REV3L: variants seen among roughly 807,000 people sequenced by gnomAD.
REV3L encodes REV3 like, DNA directed polymerase zeta catalytic subunit.
Under a neutral mutation model 299.4 loss-of-function variants are expected in REV3L, and 69 were observed. The ratio of observed to expected loss-of-function variants is 0.23; its 90% CI spans 0.19 to 0.28. The LOEUF (loss-of-function observed/expected upper bound fraction) is 0.28, where lower values mean the gene tolerates loss of function less well. Among genes scored for constraint, REV3L ranks in the 10% least tolerant of loss-of-function variants. The pLI is 1.00. For synonymous variants in REV3L, 1,238 were observed against 1,271.4 expected (o/e 0.97, Z 0.56); for missense variants, 3,128 against 3,693.8 (o/e 0.85, Z 3.97).
chr6:111,332,135 G>C (rs1453496153), intron 23 of REV3L, among the ~76,000 whole-genome samples: 4 of 151,988 alleles, frequency 2.6e-5, no homozygotes, highest in Admixed American at 2.0e-4. Context: ...GCAGTGGCGC[G>C]ATCTCGGCTC....
chr6:111,457,116 G>GA (rs891629373), intron 1 of REV3L, among the ~76,000 whole-genome samples: 7 of 150,774 alleles, frequency 4.6e-5, no homozygotes, highest in African/African-American at 1.2e-4. Flanking sequence ...ACACACTCCA[G>GA]AAAAAAAAAT....
intron 1 of REV3L, among the ~76,000 whole-genome samples, chr6:111,424,337 G>A (rs79467294): frequency 0.023 from 3,504 of 152,248 alleles, 58 homozygotes; most frequent in Admixed American, 0.063. Flanking sequence ...ATATAGGACT[G>A]AAAAGAGGCA....
chr6:111,474,996 C>T (rs879323255), intron 1 of REV3L, among the ~76,000 whole-genome samples: 6,352 of 64,570 alleles, frequency 0.098, 157 homozygotes, highest in South Asian at 0.32. Context: ...TATACACACA[C>T]ACACACACAC....
At chr6:111,452,295 T>C (rs1435873646) in intron 1 of REV3L, among the ~76,000 whole-genome samples, 1 of 152,076 alleles carries the variant, frequency 6.6e-6, no homozygotes, top group African/African-American at 2.4e-5. Context: ...GGGAAAAAAA[T>C]CTGGCTGTTT....
chr6:111,332,125 G>A (rs1476938151), intron 23 of REV3L, among the ~76,000 whole-genome samples: 2 of 152,112 alleles, frequency 1.3e-5, no homozygotes, highest in African/African-American at 2.4e-5. Context: ...AGGCTGGAGT[G>A]CAGTGGCGCG....
intron 2 of REV3L, among the ~76,000 whole-genome samples, chr6:111,414,844 G>C (rs1319021509): frequency 6.6e-6 from 1 of 152,114 alleles, no homozygotes; most frequent in East Asian, 1.9e-4. Context: ...AATAGATCCA[G>C]AAGCTGATGA....
intron 1 of REV3L, among the ~76,000 whole-genome samples, chr6:111,466,876 A>G (rs930896972): frequency 1.2e-4 from 18 of 152,240 alleles, no homozygotes; most frequent in Admixed American, 2.0e-4. Flanking sequence ...AAGAAATTTT[A>G]AATTGTTTAA....
rs749887147 is a variant in REV3L at position 111,310,020 on chromosome 6, C to T, written c.8875G>A (p.Gly2959Arg). Residue 2959 changes from glycine to arginine, a missense_variant, in exon 30 of 32, where the codon GGA becomes AGA. Physicochemically the swap from Gly to Arg is moderately radical, Grantham distance 125. Coordinates refer to ENST00000368802, the MANE Select transcript of REV3L (RefSeq NM_001372078.1). ...CTTACAAGCTGGATAAGTGGTACTC[C>T]GGGGGTCCCATAAATGATGACGTAT... ...VPYVIIYGTP[G>R]VPLIQLVRRP... The T allele has an allele frequency of 8.7e-6, 14 of 1,613,076 alleles. No individual in the cohort carries two copies. Among genetic ancestry groups the T allele is most frequent in the African/African-American group, 1.3e-5 (1 of 74,838 alleles).
chr6:111,381,002 C>T (rs17510803), intron 10 of REV3L, among the ~76,000 whole-genome samples: 5,474 of 152,308 alleles, frequency 0.036, 327 homozygotes, highest in African/African-American at 0.12. Flanking sequence ...CAAGAAAGAA[C>T]CACTTATGGT....
At chr6:111,366,962 T>C (rs1489159339) in intron 14 of REV3L, among the ~76,000 whole-genome samples, 153 bp downstream of exon 14, 2 of 152,230 alleles carry the variant, frequency 1.3e-5, no homozygotes, top group African/African-American at 4.8e-5. Context: ...AGAAAGACAG[T>C]TGCCATGTGA....
In REV3L at chr6:111,374,600, G is replaced by T. The variant is rs374954440; in HGVS notation, c.3755C>A (p.Ala1252Glu). 6.8e-6 allele frequency: 11 copies of T among 1,613,540 alleles called. No individual in the cohort carries two copies. In the African/African-American group the frequency reaches 1.5e-4, roughly 22 times the overall value. ...TAGTTGAGAGCCTCCAGAACTACTT[G>T]CAAATTCAGACACATTCTGGTGTTT... ...VLKHQNVSEFASSSGGSQLLF... is the reference protein window; with the variant it reads ...VLKHQNVSEFESSSGGSQLLF... The change falls in exon 13 of 32, where the codon GCA becomes GAA. Residue 1252 changes from alanine to glutamate, a missense_variant. Coordinates refer to ENST00000368802, the MANE Select transcript of REV3L (RefSeq NM_001372078.1).
At chr6:111,426,340 A>G (rs1786181160) in intron 1 of REV3L, among the ~76,000 whole-genome samples, 2 of 152,172 alleles carry the variant, frequency 1.3e-5, no homozygotes. Flanking sequence ...AATTTGATGG[A>G]TTTAAATCTT....
chr6:111,366,162 G>A (rs1346642339), intron 14 of REV3L, among the ~76,000 whole-genome samples: 1 of 152,142 alleles, frequency 6.6e-6, no homozygotes, highest in Non-Finnish European at 1.5e-5. Context: ...GGCCAGATGG[G>A]TTTTTATGTG....
chr6:111,334,058 C>T (rs1485141044), intron 22 of REV3L, among the ~76,000 whole-genome samples: 1 of 152,162 alleles, frequency 6.6e-6, no homozygotes, highest in Admixed American at 6.5e-5. Context: ...CCTGTCTCAG[C>T]CTCCCAAGTA....
At chr6:111,443,581 C>T (rs1466171852) in intron 1 of REV3L, among the ~76,000 whole-genome samples, 1 of 152,168 alleles carries the variant, frequency 6.6e-6, no homozygotes, top group African/African-American at 2.4e-5. Context: ...AAAGCCTTTA[C>T]GCTAAGACTA....
intron 1 of REV3L, among the ~76,000 whole-genome samples, chr6:111,480,838 G>GTTTTTTTTTTTTTTT (rs56230820): frequency 1.8e-5 from 2 of 109,026 alleles, no homozygotes; most frequent in Non-Finnish European, 4.0e-5. Flanking sequence ...TTTCGTTTTT[G>GTTTTTTTTTTTTTTT]TTTTTTTTTT....
chr6:111,393,463 TGCCATCA>T (rs2128257664), intron 4 of REV3L, among the ~76,000 whole-genome samples: 1 of 152,356 alleles, frequency 6.6e-6, no homozygotes, highest in Non-Finnish European at 1.5e-5. Context: ...GTACTTAGGA[TGCCATCA>T]GCCCAAACAT....
At chr6:111,365,052 T>G (rs1054009223) in intron 15 of REV3L, among the ~76,000 whole-genome samples, 1 of 151,958 alleles carries the variant, frequency 6.6e-6, no homozygotes, top group Non-Finnish European at 1.5e-5. Flanking sequence ...TCTGTAATAT[T>G]TGTATTTACA....
chr6:111,421,055 G>T (rs1785291837), intron 1 of REV3L, among the ~76,000 whole-genome samples: 1 of 152,154 alleles, frequency 6.6e-6, no homozygotes, highest in Admixed American at 6.5e-5. Context: ...GTGAACCCGG[G>T]AGGCGGAGGT....
Sources: allele counts gnomAD v4.1 joint callset (sites outside exome capture counted in the v4.1 genomes callset), GRCh38; gene constraint gnomAD v4.1.1; transcripts MANE v1.5; gene names NCBI Gene and HGNC (gene_info 2026-07-23, HGNC 2026-07-21).